The following SIN3A variants were observed in gnomAD, a reference collection of about 807,000 sequenced individuals.
The protein encoded by SIN3A is paired amphipathic helix protein Sin3a.
SIN3A carries 14 observed loss-of-function variants against 146.1 expected under a neutral mutation model. The ratio of observed to expected loss-of-function variants is 0.10; its 90% CI spans 0.06 to 0.15. The LOEUF is 0.15. SIN3A is among the 10% of genes least tolerant of loss of function. SIN3A has a pLI of 1.00. For synonymous variants in SIN3A, 572 were observed against 572.0 expected (o/e 1.00, Z 0.00); for missense variants, 1,028 against 1,576.0 (o/e 0.65, Z 5.89).
At position 75,407,078 on chromosome 15, in the gene SIN3A, T is replaced by G; in HGVS notation, c.1384A>C (p.Thr462Pro). ...ACCTTATCAAAAAATAACGATTCTG[T>G]TCCACCACCATGTTTGCTGGCATCT... ...MADASKHGGG[T>P]ESLFFDKVRK... The change falls in exon 9 of 21, where the codon ACA (threonine) becomes CCA (proline). Residue 462 changes from threonine (T) to proline (P), a missense_variant. By Grantham distance (38) the Thr-to-Pro change is conservative. This residue lies in a region of SIN3A where 62 missense variants were observed against 63.5 expected (regional missense o/e 0.98). Coordinates refer to ENST00000394947, the MANE Select transcript of SIN3A (RefSeq NM_001145358.2). 6.2e-7 allele frequency: 1 copy of G among 1,612,678 alleles called. No homozygotes were observed. The highest frequency in any genetic ancestry group is 8.5e-7 in the Non-Finnish European group (1 of 1,179,182).
chr15:75,430,365 C>T lies in SIN3A; in HGVS notation c.11G>A (p.Arg4His), dbSNP rs749564136. MKR[R>H]LDDQESPVYA... is the part of the protein sequence containing the mutation. ...CACCGGTGACTCCTGGTCATCCAAA[C>T]GCCGCTTCATTCTGTGCTCATGCTC... The change falls in exon 2 of 21, where the codon CGT (arginine) becomes CAT (histidine). Residue 4 changes from arginine (R) to histidine (H), a missense_variant. Physicochemically the swap from Arg to His is conservative, Grantham distance 29. This residue lies in a region of SIN3A where 152 missense variants were observed against 231.5 expected (regional missense o/e 0.66). Transcript: ENST00000394947. 6 of 1,610,680 alleles carry T rather than the reference C, an allele frequency of 3.7e-6. No individual in the cohort carries two copies. The highest frequency in any genetic ancestry group is 1.7e-6 in the Non-Finnish European group (2 of 1,178,496).
At position 75,450,519 on chromosome 15, in the gene SIN3A, C is replaced by T. The variant is rs533276647; in HGVS notation, c.-34+904G>A. 3.1e-3 allele frequency among the ~76,000 whole-genome samples: 476 copies of T among 152,316 alleles called. 1 individual carries two copies. The highest frequency in any genetic ancestry group is 0.011 in the African/African-American group (463 of 41,568). On this transcript the variant is annotated intron_variant, in intron 1 of 20. Transcript: ENST00000394947. Reference sequence around the variant, plus strand: ...GCGGATCTAGGGTTCCAGCACCAGCCACGCACGCTCCTACAAGAGGACCTT... The same window carrying T: ...GCGGATCTAGGGTTCCAGCACCAGCTACGCACGCTCCTACAAGAGGACCTT...
chr15:75,446,897 G>A lies in SIN3A; in HGVS notation c.-34+4526C>T, dbSNP rs149950030. On this transcript the variant is annotated intron_variant, in intron 1 of 20. Transcript: ENST00000394947. Reference sequence around the variant, plus strand: ...CACCATTCTCCTGCCTCAACCTCCCGAGTAGCTGGGACTACAGGTGCGTGT... The same window carrying A: ...CACCATTCTCCTGCCTCAACCTCCCAAGTAGCTGGGACTACAGGTGCGTGT... 7.7e-3 allele frequency among the ~76,000 whole-genome samples: 1,167 copies of A among 152,000 alleles called. 16 individuals are homozygous for A. Among genetic ancestry groups the A allele is most frequent in the African/African-American group, 0.026 (1,067 of 41,428 alleles).
At chr15:75,375,004 C>T (rs2072827453) in intron 20 of SIN3A, among the ~76,000 whole-genome samples, 1 of 152,132 alleles carries the variant, frequency 6.6e-6, no homozygotes, top group African/African-American at 2.4e-5. Context: ...AATGTAAAGA[C>T]AGGTAGGATT....
At chr15:75,397,335 A>G (rs1410191351) in intron 12 of SIN3A, among the ~76,000 whole-genome samples, 1 of 152,164 alleles carries the variant, frequency 6.6e-6, no homozygotes, top group Non-Finnish European at 1.5e-5. Context: ...AATGGACTAA[A>G]CTTCCTGGCT....
At chr15:75,444,110 A>G (rs2074263084) in intron 1 of SIN3A, among the ~76,000 whole-genome samples, 1 of 152,234 alleles carries the variant, frequency 6.6e-6, no homozygotes, top group African/African-American at 2.4e-5. Context: ...GTAAAACTCC[A>G]CAACATTGTT....
At chr15:75,410,801 G>A (rs1158839185) in intron 6 of SIN3A, among the ~76,000 whole-genome samples, 1 of 151,940 alleles carries the variant, frequency 6.6e-6, no homozygotes, top group Non-Finnish European at 1.5e-5. Context: ...TGCAATCCCA[G>A]CACTTTGGGA....
At position 75,372,344 on chromosome 15, in the gene SIN3A, CT is replaced by C. The variant is rs2072768109; in HGVS notation, c.3592-136del. The C allele has an allele frequency of 1.6e-5, 8 of 491,148 alleles. No individual in the cohort carries two copies. In the South Asian group the frequency reaches 3.4e-4, roughly 21 times the overall value. The allele number at this position is 491,148 out of a possible 1,614,324, so 30.4% of individuals were successfully genotyped here. A position where few individuals can be genotyped will look rare whatever the true frequency, so the allele number is the denominator to read the frequency against. Reference sequence around the variant, plus strand: ...AAGTCTTAGATACCACTGTTTTTTTCTTAAAAGAAAAAAAAAAGGATTCTCT... The same window carrying C: ...AAGTCTTAGATACCACTGTTTTTTTCTAAAAGAAAAAAAAAAGGATTCTCT... On this transcript the variant is annotated intron_variant, in intron 20 of 20. Coordinates refer to ENST00000394947, the MANE Select transcript of SIN3A (RefSeq NM_001145358.2).
rs544492376 is a variant in SIN3A at position 75,398,687 on chromosome 15, A to G, written c.1854+1353T>C. 7.9e-5 allele frequency among the ~76,000 whole-genome samples: 12 copies of G among 151,254 alleles called. No individual in the cohort carries two copies. In the East Asian group the frequency reaches 2.2e-3, roughly 27 times the overall value. On this transcript the variant is annotated intron_variant, in intron 12 of 20. Coordinates refer to ENST00000394947, the MANE Select transcript of SIN3A (RefSeq NM_001145358.2). ...AGCAATACTCTGTCTTTAAAAAGAA[A>G]GGGGTCCCTAATTTAGCCTTCTTTC...
chr15:75,427,730 A>G (rs1028553807), intron 2 of SIN3A, among the ~76,000 whole-genome samples: 1 of 151,936 alleles, frequency 6.6e-6, no homozygotes, highest in Non-Finnish European at 1.5e-5. Context: ...GGTACTTTGG[A>G]AGGCCAAGAG....
intron 17 of SIN3A, among the ~76,000 whole-genome samples, chr15:75,383,267 G>C (rs1465595637): frequency 7.1e-5 from 10 of 141,730 alleles, no homozygotes; most frequent in African/African-American, 2.6e-4. Flanking sequence ...GTGTGTCCCT[G>C]TCTTAAAAAA....
At chr15:75,381,325 T>C (rs1196494494) in intron 18 of SIN3A, among the ~76,000 whole-genome samples, 4 of 152,192 alleles carry the variant, frequency 2.6e-5, no homozygotes, top group African/African-American at 9.7e-5. Context: ...AAAGACCTCA[T>C]TTGTTGTTTT....
At chr15:75,449,007 A>G (rs893600149) in intron 1 of SIN3A, among the ~76,000 whole-genome samples, 1 of 152,240 alleles carries the variant, frequency 6.6e-6, no homozygotes, top group Non-Finnish European at 1.5e-5. Context: ...ATTATGAAGC[A>G]TTTATGAAAA....
chr15:75,379,080 T>C (rs962946550), intron 19 of SIN3A, among the ~76,000 whole-genome samples: 14 of 152,164 alleles, frequency 9.2e-5, no homozygotes, highest in African/African-American at 3.4e-4. Context: ...TCTGTATTTT[T>C]AGTAGAGACA....
upstream of SIN3A, among the ~76,000 whole-genome samples, chr15:75,454,125 T>C (rs1333528653): frequency 6.6e-6 from 1 of 151,312 alleles, no homozygotes. Flanking sequence ...ACCTTGCGCC[T>C]CACGTCATCC....
intron 3 of SIN3A, chr15:75,419,061 G>A (rs1172706036): frequency 6.6e-6 from 1 of 152,038 alleles, no homozygotes; most frequent in African/African-American, 2.4e-5. Flanking sequence ...CCGGCCCCGA[G>A]ACAAATGGCT....
At chr15:75,404,825 A>C (rs1428184920) in intron 9 of SIN3A, among the ~76,000 whole-genome samples, 1 of 152,142 alleles carries the variant, frequency 6.6e-6, no homozygotes, top group Admixed American at 6.6e-5. Flanking sequence ...CTTAGAAATT[A>C]ACTTATTTTC....
intron 19 of SIN3A, among the ~76,000 whole-genome samples, chr15:75,377,461 A>T (rs2072883045): frequency 6.6e-6 from 1 of 151,916 alleles, no homozygotes; most frequent in Non-Finnish European, 1.5e-5. Flanking sequence ...CTCATCTCTA[A>T]TAAAAGTACA....
chr15:75,422,305 T>C (rs1490928579), intron 3 of SIN3A: 3 of 566,356 alleles, frequency 5.3e-6, no homozygotes, highest in African/African-American at 1.9e-5. Context: ...TGTACTAACC[T>C]GTAGCCAATC....
Sources: gnomAD v4.1 joint callset for allele counts (sites outside exome capture counted in the v4.1 genomes callset) on GRCh38, gnomAD v4.1.1 for gene constraint, gnomAD v4.1.1 regional missense constraint, MANE v1.5 for transcripts, NCBI Gene and HGNC (gene_info 2026-07-23, HGNC 2026-07-21) for gene names.